Variants in GPR84 observed in about 807,000 individuals in gnomAD.
The protein encoded by GPR84 is G protein-coupled receptor 84, also known as G-protein coupled receptor 84.
GPR84 carries 8 observed loss-of-function variants against 14.9 expected under a neutral mutation model. That is an observed-to-expected ratio of 0.54 (90% CI 0.31 to 0.97). GPR84 has a LOEUF of 0.97. Ranked by LOEUF, GPR84 falls within the 50% of genes least tolerant of loss-of-function variation. The pLI is 0.04. For synonymous variants in GPR84, 164 were observed against 198.1 expected, an observed-to-expected ratio of 0.83 and a Z score of 1.45; for missense variants, 424 against 498.7, an observed-to-expected ratio of 0.85 and a Z score of 1.43.
Position 54,363,418 on chromosome 12 carries a change from C to T in GPR84, c.434G>A (p.Trp145Ter), listed in dbSNP as rs750522266. The stretch of plus-strand genomic sequence containing the variant: ...AGCAAAGCTGGCCACGCCCACAACC[C>T]AGGTGCTCACCAGTGCCAGCACTAT... ...KGIVLALVST[W>*]VVGVASFAPL... The change falls in exon 2 of 2, where the codon TGG becomes TAG. Residue 145 changes from tryptophan to a stop codon, truncating the protein, a stop_gained. Coordinates refer to ENST00000267015, the MANE Select transcript of GPR84 (RefSeq NM_020370.3). LOFTEE classifies it high-confidence loss of function. 4.3e-6 allele frequency: 7 copies of T among 1,613,952 alleles called. No individual in the cohort carries two copies. The highest frequency in any genetic ancestry group is 5.9e-6 in the Non-Finnish European group (7 of 1,179,982).
Position 54,362,908 on chromosome 12 carries a change from C to A in GPR84, c.944G>T (p.Gly315Val). ...RRAPDSSSEFGKVTRMCFAVF... is the reference protein window; with the variant it reads ...RRAPDSSSEFVKVTRMCFAVF... ...AGCAAAACACATTCGAGTCACCTTC[C>A]CAAATTCCGATGAAGAATCCGGAGC... The change falls in exon 2 of 2, where the codon GGG becomes GTG. Residue 315 changes from glycine (G) to valine (V), a missense_variant. Physicochemically the swap from Gly to Val is moderately radical, Grantham distance 109 (BLOSUM62 -3). Transcript: ENST00000267015. The surrounding 1 kb of genome is among the most constrained non-coding windows in gnomAD (Gnocchi z 4.0). The A allele has an allele frequency of 6.2e-7, 1 of 1,614,210 alleles. No homozygotes were observed. The highest frequency in any genetic ancestry group is 2.2e-5 in the East Asian group (1 of 44,892).
At chr12:54,352,777 C>G in the GPR84 span, among the ~76,000 whole-genome samples, 1 of 152,110 alleles carries the variant, frequency 6.6e-6, no homozygotes, top group East Asian at 1.9e-4. Flanking sequence ...CTATGGGGCA[C>G]CTGTGCATGG....
chr12:54,353,321 G>A, the GPR84 span, among the ~76,000 whole-genome samples: 1 of 152,128 alleles, frequency 6.6e-6, no homozygotes, highest in Non-Finnish European at 1.5e-5. Flanking sequence ...CTTTCCCAGG[G>A]AATGCTGGGA....
chr12:54,350,755 G>A, the GPR84 span: 26 of 576,428 alleles, frequency 4.5e-5, 1 homozygote, highest in Admixed American at 5.1e-4. Flanking sequence ...AGATAATAGG[G>A]CAGGGGAAGC....
chr12:54,357,171 C>T, the GPR84 span, among the ~76,000 whole-genome samples: 2 of 152,184 alleles, frequency 1.3e-5, no homozygotes, highest in African/African-American at 4.8e-5. Flanking sequence ...GCTCCTTCCC[C>T]TCTCTGTAGC....
rs1954294770 is a variant in GPR84, at chr12:54,363,507, T to C, written c.345A>G (p.Ala115=). Residue 115 remains alanine, a synonymous_variant, in exon 2 of 2, where the codon GCA becomes GCG. Transcript: ENST00000267015. Reference sequence around the variant, plus strand: ...GGGCAATGAGGAGGTAGCGTCCCAGTGCGATGAGGCAGAGGGTCAGGATGG... The same window carrying C: ...GGGCAATGAGGAGGTAGCGTCCCAGCGCGATGAGGCAGAGGGTCAGGATGG... ...SVSILTLCLI[A]LGRYLLIAHP... The C allele has an allele frequency of 6.2e-7, 1 of 1,613,874 alleles. No individual in the cohort carries two copies.
chr12:54,359,834 T>TG (rs1171678664), downstream of GPR84, among the ~76,000 whole-genome samples: 1 of 152,112 alleles, frequency 6.6e-6, no homozygotes, highest in Non-Finnish European at 1.5e-5. Flanking sequence ...AATTAGGGGC[T>TG]GGGGTGGATG....
chr12:54,355,788 G>A, the GPR84 span, among the ~76,000 whole-genome samples: 1 of 152,058 alleles, frequency 6.6e-6, no homozygotes, highest in African/African-American at 2.4e-5. Context: ...GACCAGGGCT[G>A]AGGGCAATGG....
At chr12:54,364,133 C>T (rs1954304748) in intron 1 of GPR84, 1 of 315,462 alleles carries the variant, frequency 3.2e-6, no homozygotes, top group South Asian at 7.7e-5. Flanking sequence ...CTCCAAACCT[C>T]AGTCCTCTTC....
chr12:54,361,495 T>C (rs1954268666), downstream of GPR84, among the ~76,000 whole-genome samples: 1 of 152,148 alleles, frequency 6.6e-6, no homozygotes, highest in African/African-American at 2.4e-5. The surrounding 1 kb of genome is among the most constrained non-coding windows in gnomAD (Gnocchi z 4.3). Flanking sequence ...CTCAGCCTTC[T>C]GAGTAGCTGG....
At chr12:54,355,519 C>G in the GPR84 span, among the ~76,000 whole-genome samples, 4 of 152,090 alleles carry the variant, frequency 2.6e-5, no homozygotes, top group African/African-American at 9.7e-5. Context: ...TTCCACAACT[C>G]GGCAATCCTG....
the GPR84 span, among the ~76,000 whole-genome samples, chr12:54,357,337 A>G: frequency 6.6e-6 from 1 of 152,070 alleles, no homozygotes; most frequent in Non-Finnish European, 1.5e-5. Flanking sequence ...GATGGGGGCG[A>G]TGTGTGACTC....
chr12:54,360,539 C>A (rs1011891125), downstream of GPR84, among the ~76,000 whole-genome samples: 1 of 152,084 alleles, frequency 6.6e-6, no homozygotes, highest in Admixed American at 6.5e-5. Context: ...CCTTAGTAGC[C>A]CCAGCTTGAT....
At chr12:54,360,572 T>C (rs1240204792), downstream of GPR84, among the ~76,000 whole-genome samples, 1 of 152,206 alleles carries the variant, frequency 6.6e-6, no homozygotes, top group Non-Finnish European at 1.5e-5. Flanking sequence ...CCTGTGACTT[T>C]CGTGGAAGGA....
the GPR84 span, chr12:54,351,955 CAG>C: frequency 3.9e-5 from 6 of 152,308 alleles, no homozygotes; most frequent in Admixed American, 3.9e-4. Context: ...CCTCCTACCT[CAG>C]AGACTCCTAG....
the GPR84 span, among the ~76,000 whole-genome samples, chr12:54,354,113 TTTC>T: frequency 6.6e-6 from 1 of 151,126 alleles, no homozygotes; most frequent in Non-Finnish European, 1.5e-5. Context: ...TCTTTTCTCT[TTTC>T]TTTTTTTTTT....
the GPR84 span, among the ~76,000 whole-genome samples, chr12:54,354,518 C>T: frequency 2.1e-3 from 325 of 151,832 alleles, 3 homozygotes; most frequent in African/African-American, 7.6e-3. Flanking sequence ...CTGCAACCTC[C>T]GCCTCCCGGG....
In GPR84 at chr12:54,363,423, G is replaced by A. The variant is rs749484514; in HGVS notation, c.429C>T (p.Ser143=). ...SAKGIVLALV[S]TWVVGVASFA... ...AGCTGGCCACGCCCACAACCCAGGT[G>A]CTCACCAGTGCCAGCACTATCCCCT... is the stretch of plus-strand genomic sequence containing the variant. Residue 143 remains serine (S), a synonymous_variant, in exon 2 of 2, where the codon AGC becomes AGT. Transcript: ENST00000267015. The A allele has an allele frequency of 8.7e-6, 14 of 1,613,972 alleles. No homozygotes were observed. In the South Asian group the frequency reaches 1.4e-4, roughly 16 times the overall value.
At chr12:54,361,727 T>C (rs1954271079), downstream of GPR84, among the ~76,000 whole-genome samples, 2 of 152,168 alleles carry the variant, frequency 1.3e-5, no homozygotes. This position sits in a 1 kb window ranked among gnomAD's most constrained non-coding sequence, Gnocchi z 4.3. Context: ...AGGCTGGTCT[T>C]GAACTCCTGA....
Sources: gnomAD v4.1 joint callset for allele counts (sites outside exome capture counted in the v4.1 genomes callset) on GRCh38, gnomAD v4.1.1 for gene constraint, Gnocchi (gnomAD v3.1) non-coding constraint, MANE v1.5 for transcripts, NCBI Gene and HGNC (gene_info 2026-07-23, HGNC 2026-07-21) for gene names.